Variants in MYO1A observed in about 807,000 individuals in gnomAD.
The protein encoded by MYO1A is myosin IA.
In MYO1A, 127 loss-of-function variants were observed where a neutral mutation model predicts 138.5. The ratio of observed to expected loss-of-function variants is 0.92; its 90% CI spans 0.79 to 1.06. The LOEUF (loss-of-function observed/expected upper bound fraction) is 1.06. Among genes scored for constraint, MYO1A ranks in the 50% least tolerant of loss-of-function variants. The pLI is 0.00. For missense variants in MYO1A, 1,211 were observed against 1,288.8 expected (o/e 0.94, Z 0.92); for synonymous variants, 477 against 497.5 (o/e 0.96, Z 0.55).
At position 57,028,861 on chromosome 12, in the gene MYO1A, T is replaced by G. The variant is rs76394585; in HGVS notation, c.3026A>C (p.Glu1009Ala). The G allele has an allele frequency of 3.6e-3, 5,834 of 1,613,388 alleles. 190 individuals are homozygous for G. The African/African-American group carries it at 0.067, about 19-fold the overall frequency. Residue 1009 changes from glutamate to alanine, a missense_variant, in exon 28 of 28, where the codon GAG becomes GCG. Glu to Ala is a moderately radical substitution (Grantham distance 107). Coordinates refer to ENST00000300119, the MANE Select transcript of MYO1A (RefSeq NM_005379.4). ...VTEKFSVRFK[E>A]NSVAVKVVQG... is the part of the protein sequence containing the mutation. Reference sequence around the variant, plus strand: ...GACGACCTTGACAGCCACACTGTTCTCCTTGAACCTCACTGAGAACCTGGA... The same window carrying G: ...GACGACCTTGACAGCCACACTGTTCGCCTTGAACCTCACTGAGAACCTGGA...
At position 57,030,226 on chromosome 12, in the gene MYO1A, C is replaced by A. The variant is rs772493735; in HGVS notation, c.2575G>T (p.Ala859Ser). ...CASELFKGKKASYPQSVPIPF... is the reference protein window; with the variant it reads ...CASELFKGKKSSYPQSVPIPF... ...GGCCCTCACCTCTGGGGATATGAAG[C>A]CTTCTTGCCCTTGAACAGTTCACTG... The change falls in exon 24 of 28, where the codon GCT (alanine) becomes TCT (serine). Residue 859 changes from alanine to serine, a missense_variant. Transcript: ENST00000300119. 2 of 1,614,122 alleles carry A rather than the reference C, an allele frequency of 1.2e-6. No homozygotes were observed. Among genetic ancestry groups the A allele is most frequent in the Admixed American group, 1.7e-5 (1 of 60,022 alleles).
Position 57,047,304 on chromosome 12 carries a change from C to T in MYO1A, c.429G>A (p.Glu143=), listed in dbSNP as rs2031144331. Residue 143 remains glutamate (E), a splice_region_variant and synonymous_variant, in exon 5 of 28, where the codon GAG becomes GAA. Coordinates refer to ENST00000300119, the MANE Select transcript of MYO1A (RefSeq NM_005379.4). ...GAGGGCAGAGAGCAGAATTCTCACC[C>T]TCCAGCACTGGGTTAGACTGTAGCA... ...EQLLQSNPVL[E]AFGNAKTIRN... The T allele has an allele frequency of 1.2e-6, 2 of 1,613,888 alleles. No individual in the cohort carries two copies. The highest frequency in any genetic ancestry group is 1.7e-6 in the Non-Finnish European group (2 of 1,179,758).
intron 1 of MYO1A, 149 bp from the exon 2 acceptor site, chr12:57,048,492 G>A (rs1168898016): frequency 3.1e-6 from 2 of 653,868 alleles, no homozygotes; most frequent in Non-Finnish European, 5.5e-6. Flanking sequence ...GAGGCCTCTG[G>A]ACCAGCCCAA....
At chr12:57,029,664 C>T in intron 25 of MYO1A, 76 bp downstream of exon 25, 1 of 1,614,016 alleles carries the variant, frequency 6.2e-7, no homozygotes, top group South Asian at 1.1e-5. Context: ...GCAAACACAG[C>T]CTGCCATCTG....
Position 57,039,267 on chromosome 12 carries a change from G to T in MYO1A, c.1277C>A (p.Pro426Gln). 1 of 1,613,770 alleles carries T rather than the reference G, an allele frequency of 6.2e-7. No homozygotes were observed. Among genetic ancestry groups the T allele is most frequent in the South Asian group, 1.1e-5 (1 of 91,060 alleles). Residue 426 changes from proline to glutamine, a missense_variant, in exon 15 of 28, where the codon CCG becomes CAG. Pro to Gln is a moderately conservative substitution (Grantham distance 76). Transcript: ENST00000300119. ...ATCAAAGTAGTCCACCTTTGTCCAC[G>T]GTATGCCCTGGTCAGGGGAGACAAC... is the stretch of plus-strand genomic sequence containing the variant. ...EQEEYKREGI[P>Q]WTKVDYFDNG...
intron 22 of MYO1A, among the ~76,000 whole-genome samples, chr12:57,032,975 C>G (rs2030358254): frequency 6.6e-6 from 1 of 152,202 alleles, no homozygotes; most frequent in Non-Finnish European, 1.5e-5. Context: ...TAACACCTTG[C>G]ACTATCTGTG....
chr12:57,046,176 C>T (rs990705096), intron 8 of MYO1A, among the ~76,000 whole-genome samples: 6 of 152,162 alleles, frequency 3.9e-5, no homozygotes, highest in African/African-American at 1.4e-4. Context: ...ATTCTGCCTG[C>T]TTCCCTGCTT....
rs769734704 is a variant in MYO1A, at chr12:57,038,004, G to A, written c.1826C>T (p.Ala609Val). Residue 609 changes from alanine to valine, a missense_variant, in exon 18 of 28, where the codon GCT (alanine) becomes GTT (valine). Coordinates refer to ENST00000300119, the MANE Select transcript of MYO1A (RefSeq NM_005379.4). ...GTTCTCCAGCAGTCCCAGGTACCGA[G>A]CCTGGGTTGCCACCAGGTCTGAAGA... ...QFSSDLVATQ[A>V]RYLGLLENVR... is the part of the protein sequence containing the mutation. 6.2e-6 allele frequency: 10 copies of A among 1,614,100 alleles called. No homozygotes were observed. The highest frequency in any genetic ancestry group is 7.6e-6 in the Non-Finnish European group (9 of 1,180,054).
chr12:57,049,714 G>A (rs143165241), intron 1 of MYO1A, among the ~76,000 whole-genome samples, 173 bp downstream of exon 1: 23 of 152,294 alleles, frequency 1.5e-4, no homozygotes, highest in African/African-American at 4.6e-4. Context: ...AACTTGGCAG[G>A]GAAGGGTGAG....
chr12:57,043,099 T>C lies in MYO1A; in HGVS notation c.1071A>G (p.Ile357Met), dbSNP rs1202224683. The C allele has an allele frequency of 6.2e-7, 1 of 1,614,128 alleles. No individual in the cohort carries two copies. The change falls in exon 12 of 28, where the codon ATA becomes ATG. Residue 357 changes from isoleucine to methionine, a missense_variant. Physicochemically the swap from Ile to Met is conservative, Grantham distance 10 (BLOSUM62 1). Coordinates refer to ENST00000300119, the MANE Select transcript of MYO1A (RefSeq NM_005379.4). Reference sequence around the variant, plus strand: ...TGATGCTCTCATTGATTCGATTCACTATCCAGTCAAAGAGGCGGCTGTAGA... The same window carrying C: ...TGATGCTCTCATTGATTCGATTCACCATCCAGTCAAAGAGGCGGCTGTAGA... ...KNIYSRLFDW[I>M]VNRINESIKV...
chr12:57,044,602 T>C (rs2031013468), intron 8 of MYO1A, among the ~76,000 whole-genome samples: 1 of 152,196 alleles, frequency 6.6e-6, no homozygotes, highest in Non-Finnish European at 1.5e-5. Flanking sequence ...TTGGCCAGGC[T>C]GGTCTTGACT....
At chr12:57,040,773 G>A (rs2030822079) in intron 14 of MYO1A, among the ~76,000 whole-genome samples, 1 of 152,198 alleles carries the variant, frequency 6.6e-6, no homozygotes, top group South Asian at 2.1e-4. Context: ...GGAAGTCTGG[G>A]ATCATGGTGT....
At chr12:57,045,280 T>C (rs902933190) in intron 8 of MYO1A, among the ~76,000 whole-genome samples, 2 of 152,130 alleles carry the variant, frequency 1.3e-5, no homozygotes, top group African/African-American at 2.4e-5. Flanking sequence ...CGGTTAATCA[T>C]GGAGTTTGAG....
At chr12:57,034,604 A>G (rs952852277) in intron 22 of MYO1A, among the ~76,000 whole-genome samples, 5 of 151,948 alleles carry the variant, frequency 3.3e-5, no homozygotes, top group African/African-American at 1.2e-4. Context: ...AGCCCGGGAG[A>G]TGGAGGTTGC....
intron 15 of MYO1A, 72 bp downstream of exon 15, chr12:57,039,140 G>T: frequency 6.4e-7 from 1 of 1,570,510 alleles, no homozygotes; most frequent in Non-Finnish European, 8.8e-7. Flanking sequence ...GGGAATCAGG[G>T]AGAGAGACAG....
In MYO1A at chr12:57,038,009, G is replaced by T. The variant is rs777815016; in HGVS notation, c.1821C>A (p.Thr607=). 2 of 1,614,208 alleles carry T rather than the reference G, an allele frequency of 1.2e-6. No individual in the cohort carries two copies. Among genetic ancestry groups the T allele is most frequent in the Non-Finnish European group, 1.7e-6 (2 of 1,180,048 alleles). ...RGQFSSDLVA[T]QARYLGLLEN... ...CCAGCAGTCCCAGGTACCGAGCCTG[G>T]GTTGCCACCAGGTCTGAAGAGAACT... The change falls in exon 18 of 28, where the codon ACC becomes ACA. Residue 607 remains threonine, a synonymous_variant. Transcript: ENST00000300119.
rs751661838 is a variant in MYO1A, at chr12:57,044,014, A to C, written c.745-11T>G. 9 of 1,614,012 alleles carry C rather than the reference A, an allele frequency of 5.6e-6. No individual in the cohort carries two copies. The highest frequency in any genetic ancestry group is 7.6e-6 in the Non-Finnish European group (9 of 1,180,022). On this transcript the variant is annotated splice_polypyrimidine_tract_variant and intron_variant, in intron 9 of 27. Transcript: ENST00000300119. ...CACTGCCATTGCACTCTTAGGCAGAAAGCAGAAATCAAAAGCTGAACTGTT... is the reference window on the plus strand; with the variant it reads ...CACTGCCATTGCACTCTTAGGCAGACAGCAGAAATCAAAAGCTGAACTGTT...
chr12:57,037,925 CA>C lies in MYO1A; in HGVS notation c.1904del (p.Leu635ArgfsTer7), dbSNP rs2030644402. ...TCCGGCTCAGCAATCGGTACCTTTC[CA>C]GGAAGGGCCCATAACCCTGGCGGTG... ...YAHRQGYGPF[L>X]ERYRLLSRST... On this transcript the variant is annotated frameshift_variant, in exon 18 of 28. Coordinates refer to ENST00000300119, the MANE Select transcript of MYO1A (RefSeq NM_005379.4). LOFTEE classifies it high-confidence loss of function. The C allele has an allele frequency of 6.2e-7, 1 of 1,614,062 alleles. No homozygotes were observed. The highest frequency in any genetic ancestry group is 8.5e-7 in the Non-Finnish European group (1 of 1,180,040).
chr12:57,047,696 G>T lies in MYO1A; in HGVS notation c.256C>A (p.Gln86Lys). 1 of 1,614,218 alleles carries T rather than the reference G, an allele frequency of 6.2e-7. No individual in the cohort carries two copies. The highest frequency in any genetic ancestry group is 1.7e-5 in the Admixed American group (1 of 60,028). ...HIYALANVAY[Q>K]SLRDRDRDQC... ...TCTCGGTCCCTGTCCCTCAGTGACT[G>T]GTACGCCACATTTGCCAATGCGTAG... Residue 86 changes from glutamine (Q) to lysine (K), a missense_variant, in exon 4 of 28, where the codon CAG becomes AAG. Coordinates refer to ENST00000300119, the MANE Select transcript of MYO1A (RefSeq NM_005379.4).
Sources: gnomAD v4.1 joint callset for allele counts (sites outside exome capture counted in the v4.1 genomes callset) on GRCh38, gnomAD v4.1.1 for gene constraint, MANE v1.5 for transcripts, NCBI Gene and HGNC (gene_info 2026-07-23, HGNC 2026-07-21) for gene names.